DNAH9: variants seen among roughly 807,000 people sequenced by gnomAD.
DNAH9 encodes the protein DNAH9 variant protein.
In DNAH9, 345 loss-of-function variants were observed where a neutral mutation model predicts 471.6. That is an observed-to-expected ratio of 0.73 (90% confidence interval 0.67 to 0.80). The LOEUF (loss-of-function observed/expected upper bound fraction) is 0.80, where lower values mean the gene tolerates loss of function less well. DNAH9 is among the 30% of genes least tolerant of loss of function. The probability of loss-of-function intolerance (pLI) is 0.00; values close to 1 mark genes in which losing one functional copy is unlikely to be tolerated. For synonymous variants in DNAH9, 2,093 were observed against 2,123.6 expected, an observed-to-expected ratio of 0.99 and a Z score of 0.40; for missense variants, 5,407 against 5,609.2, an observed-to-expected ratio of 0.96 and a Z score of 1.15.
At chr17:11,678,250 G>A (rs967576109) in intron 17 of DNAH9, among the ~76,000 whole-genome samples, 1 of 152,134 alleles carries the variant, frequency 6.6e-6, no homozygotes, top group South Asian at 2.1e-4. Context: ...TAGAGACAGG[G>A]TTTCATCATG....
At chr17:11,736,343 G>C (rs2075346399) in intron 28 of DNAH9, among the ~76,000 whole-genome samples, 2 of 152,342 alleles carry the variant, frequency 1.3e-5, no homozygotes, top group Non-Finnish European at 2.9e-5. Context: ...ATTTTCGATA[G>C]AGAAACAGAT....
At chr17:11,925,708 T>C (rs1974298121) in intron 62 of DNAH9, among the ~76,000 whole-genome samples, 1 of 152,148 alleles carries the variant, frequency 6.6e-6, no homozygotes, top group Non-Finnish European at 1.5e-5. Context: ...ATCAAAATCT[T>C]GTGCTGATGT....
chr17:11,708,014 C>CAGAGAGAGAG (rs34314090), intron 26 of DNAH9, among the ~76,000 whole-genome samples: 2 of 52,154 alleles, frequency 3.8e-5, no homozygotes, highest in African/African-American at 7.2e-5. Context: ...CACACACACA[C>CAGAGAGAGAG]AGAGAGAGAG....
At chr17:11,694,036 G>T (rs2074385402) in intron 21 of DNAH9, 38 bp downstream of exon 21, 3 of 1,602,972 alleles carry the variant, frequency 1.9e-6, no homozygotes, top group Non-Finnish European at 2.6e-6. Flanking sequence ...TAATAAGAAG[G>T]CATCATTTCC....
intron 49 of DNAH9, among the ~76,000 whole-genome samples, chr17:11,835,822 G>A (rs768681999): frequency 2.0e-5 from 3 of 152,124 alleles, no homozygotes; most frequent in Non-Finnish European, 4.4e-5. Flanking sequence ...AACAACCTAT[G>A]GCGGCTGAGC....
intron 68 of DNAH9, among the ~76,000 whole-genome samples, chr17:11,968,880 C>T (rs912716089): frequency 6.6e-6 from 1 of 152,214 alleles, no homozygotes; most frequent in African/African-American, 2.4e-5. Context: ...GAAACAGAAA[C>T]AGGACATAAC....
chr17:11,606,344 A>G (rs954539026), intron 1 of DNAH9, among the ~76,000 whole-genome samples: 8 of 151,640 alleles, frequency 5.3e-5, no homozygotes, highest in African/African-American at 1.9e-4. Flanking sequence ...TTATATGAGC[A>G]TCTGTTTGTC....
chr17:11,785,618 T>A (rs1968839907), intron 41 of DNAH9, among the ~76,000 whole-genome samples: 1 of 152,158 alleles, frequency 6.6e-6, no homozygotes, highest in South Asian at 2.1e-4. Context: ...CCCCTCAGAA[T>A]GATAAGTCTC....
chr17:11,795,469 C>A (rs1969210314), intron 42 of DNAH9, among the ~76,000 whole-genome samples: 1 of 152,180 alleles, frequency 6.6e-6, no homozygotes, highest in South Asian at 2.1e-4. Context: ...AAGATCTTGA[C>A]TCTACCTCTG....
intron 45 of DNAH9, among the ~76,000 whole-genome samples, chr17:11,815,296 C>G (rs2150933332): frequency 6.6e-6 from 1 of 152,140 alleles, no homozygotes; most frequent in Non-Finnish European, 1.5e-5. Flanking sequence ...CCCTTACCAC[C>G]TATGTCCAAG....
intron 36 of DNAH9, among the ~76,000 whole-genome samples, chr17:11,766,548 C>T (rs1479114814): frequency 1.3e-5 from 2 of 152,098 alleles, no homozygotes; most frequent in East Asian, 1.9e-4. Context: ...CACAGTATGC[C>T]AGTAAAGTCC....
chr17:11,749,469 A>G (rs894775122), intron 32 of DNAH9, among the ~76,000 whole-genome samples: 4 of 151,926 alleles, frequency 2.6e-5, no homozygotes, highest in Admixed American at 2.0e-4. Flanking sequence ...TTCTTTGTCT[A>G]TAGACACTTT....
At chr17:11,823,799 G>A (rs565400612) in intron 48 of DNAH9, among the ~76,000 whole-genome samples, 1 of 152,090 alleles carries the variant, frequency 6.6e-6, no homozygotes, top group South Asian at 2.1e-4. Flanking sequence ...GCATGGTGGC[G>A]GGTGCCTGTA....
Position 11,902,800 on chromosome 17 carries a change from T to G in DNAH9, c.11488T>G (p.Ser3830Ala), listed in dbSNP as rs1973456430. 1 of 1,613,490 alleles carries G rather than the reference T, an allele frequency of 6.2e-7. No individual in the cohort carries two copies. Among genetic ancestry groups the G allele is most frequent in the Non-Finnish European group, 8.5e-7 (1 of 1,179,842 alleles). The change falls in exon 60 of 69, where the codon TCC becomes GCC. Residue 3830 changes from serine (S) to alanine (A), a missense_variant. Around this residue, in one of 3 missense-constraint regions of DNAH9, gnomAD observed 4,636 missense variants for 4,900.3 expected, o/e 0.95. Transcript: ENST00000262442. ...TAAGAGCTGGAAAAAGTTTGTGGAG[T>G]CCGAATGTCCTGAGAAAGAGAAGCT... ...SAKSWKKFVESECPEKEKLPQ... is the reference protein window; with the variant it reads ...SAKSWKKFVEAECPEKEKLPQ...
intron 39 of DNAH9, among the ~76,000 whole-genome samples, 172 bp from the exon 40 acceptor site, chr17:11,783,474 A>T (rs1968742787): frequency 6.6e-6 from 1 of 152,062 alleles, no homozygotes; most frequent in Admixed American, 6.6e-5. Context: ...ATATGGAGGT[A>T]CCTTGGGAAT....
rs756124483 is a variant in DNAH9, at chr17:11,699,858, G to A, written c.5000G>A (p.Ser1667Asn). Residue 1667 changes from serine (S) to asparagine (N), a missense_variant, in exon 23 of 69, where the codon AGT becomes AAT. Ser to Asn is a conservative substitution (Grantham distance 46). Coordinates refer to ENST00000262442, the MANE Select transcript of DNAH9 (RefSeq NM_001372.4). ...YSKEEEYVAF[S>N]EPCDCSGQVE... The stretch of plus-strand genomic sequence containing the variant: ...AAAGAAGAGGAGTATGTGGCTTTCA[G>A]TGAGCCCTGTGACTGCAGCGGGCAG... 6.2e-7 allele frequency: 1 copy of A among 1,614,172 alleles called. No homozygotes were observed. Among genetic ancestry groups the A allele is most frequent in the South Asian group, 1.1e-5 (1 of 91,074 alleles).
chr17:11,785,283 T>C (rs1968822709), intron 41 of DNAH9, among the ~76,000 whole-genome samples: 1 of 152,044 alleles, frequency 6.6e-6, no homozygotes, highest in South Asian at 2.1e-4. Flanking sequence ...TAGAGAGACC[T>C]TCCCCCAAGA....
intron 50 of DNAH9, among the ~76,000 whole-genome samples, chr17:11,865,835 T>C (rs1369430745): frequency 1.3e-5 from 2 of 152,266 alleles, no homozygotes; most frequent in Non-Finnish European, 2.9e-5. Flanking sequence ...TTCTGCATTC[T>C]TCATGTAGTT....
rs1205021031 is a variant in DNAH9, at chr17:11,871,749, T to C, written c.10205T>C (p.Leu3402Pro). 2.5e-6 allele frequency: 4 copies of C among 1,614,124 alleles called. No individual in the cohort carries two copies. The Admixed American group carries it at 5.0e-5, about 20-fold the overall frequency. ...FFTKKYRQSL[L>P]DRTWRPYLSQ... Reference sequence around the variant, plus strand: ...ACAAAGAAATACCGGCAGAGCCTCCTGGACAGAACTTGGAGGCCCTACCTG... The same window carrying C: ...ACAAAGAAATACCGGCAGAGCCTCCCGGACAGAACTTGGAGGCCCTACCTG... The change falls in exon 52 of 69, where the codon CTG becomes CCG. Residue 3402 changes from leucine to proline, a missense_variant. Transcript: ENST00000262442.
Sources: allele counts gnomAD v4.1 joint callset (sites outside exome capture counted in the v4.1 genomes callset), GRCh38; gene constraint gnomAD v4.1.1; regional missense constraint gnomAD v4.1.1; transcripts MANE v1.5; gene names NCBI Gene and HGNC (gene_info 2026-07-23, HGNC 2026-07-21).